Variants in RDH13 observed in about 807,000 individuals in gnomAD.
RDH13 encodes the protein retinol dehydrogenase 13, also known as retinol dehydrogenase 13 (all-trans and 9-cis).
In RDH13, 35 loss-of-function variants were observed where a neutral mutation model predicts 28.3. The ratio of observed to expected loss-of-function variants is 1.24; its 90% CI spans 0.95 to 1.64. The LOEUF is 1.64. Among genes scored for constraint, RDH13 ranks in the 40% most tolerant of loss-of-function variants. The pLI is 0.00. For missense variants in RDH13, 514 were observed against 446.3 expected (o/e 1.15, Z -1.37); for synonymous variants, 229 against 198.5 (o/e 1.15, Z -1.29).
chr19:55,062,859 A>C (rs1401590461), intron 1 of RDH13, 109 bp downstream of exon 1: 8 of 983,652 alleles, frequency 8.1e-6, no homozygotes, highest in Middle Eastern at 7.0e-4. Flanking sequence ...GCGGGTCGGG[A>C]GCTACGGGGC....
chr19:55,057,008 A>G (rs1395413339), intron 2 of RDH13, among the ~76,000 whole-genome samples, 200 bp from the exon 3 acceptor site: 1 of 152,188 alleles, frequency 6.6e-6, no homozygotes, highest in East Asian at 1.9e-4. Context: ...ATCCATAGAG[A>G]TGGAATATTA....
At chr19:55,057,687 C>G (rs955583979) in intron 2 of RDH13, among the ~76,000 whole-genome samples, 2 of 152,050 alleles carry the variant, frequency 1.3e-5, no homozygotes, top group African/African-American at 4.8e-5. Flanking sequence ...ATCCACCCCG[C>G]GGCCTCCCAA....
upstream of RDH13, among the ~76,000 whole-genome samples, chr19:55,066,693 CCTT>C (rs1305279981): frequency 4.0e-4 from 61 of 150,970 alleles, 3 homozygotes; most frequent in East Asian, 6.8e-3. Context: ...TCCTCTCTCT[CCTT>C]CTTTCTTCCT....
rs746858751 is a variant in RDH13 at position 55,056,624 on chromosome 19, C to A, written c.340+29G>T. ...GCCCTGGGAGCCGCCTATCCCAGTCCTCATCCCACATGGCCAGCGTTCTCC... is the reference window on the plus strand; with the variant it reads ...GCCCTGGGAGCCGCCTATCCCAGTCATCATCCCACATGGCCAGCGTTCTCC... On this transcript the variant is annotated intron_variant, in intron 3 of 6. Transcript: ENST00000415061. The A allele has an allele frequency of 3.7e-6, 6 of 1,612,424 alleles. No homozygotes were observed. The Admixed American group carries it at 5.0e-5, about 13-fold the overall frequency.
intron 3 of RDH13, among the ~76,000 whole-genome samples, chr19:55,054,600 G>A (rs1004174521): frequency 1.8e-4 from 28 of 152,090 alleles, no homozygotes; most frequent in Middle Eastern, 6.8e-3. Flanking sequence ...AAAAGGTCTT[G>A]CTCTGTCATC....
chr19:55,067,647 G>A (rs2075983994), upstream of RDH13: 1 of 152,266 alleles, frequency 6.6e-6, no homozygotes, highest in Admixed American at 6.5e-5. Context: ...TTGAGCCAAG[G>A]AGGGTCATGT....
At chr19:55,065,999 G>T (rs1171476588), upstream of RDH13, among the ~76,000 whole-genome samples, 1 of 152,192 alleles carries the variant, frequency 6.6e-6, no homozygotes, top group Non-Finnish European at 1.5e-5. Context: ...ATTACAAAGC[G>T]TGAGCCACTG....
intron 1 of RDH13, among the ~76,000 whole-genome samples, chr19:55,061,166 C>T (rs1042156784): frequency 2.6e-5 from 4 of 152,096 alleles, no homozygotes; most frequent in Non-Finnish European, 5.9e-5. Context: ...CTCGCTCTGT[C>T]GCCCAGGCTG....
chr19:55,060,677 G>A (rs1002680163), intron 1 of RDH13, among the ~76,000 whole-genome samples: 2 of 152,114 alleles, frequency 1.3e-5, no homozygotes, highest in Non-Finnish European at 2.9e-5. Context: ...TGGAGGGGCA[G>A]GCCACCCCTT....
intron 6 of RDH13, among the ~76,000 whole-genome samples, chr19:55,045,721 G>A (rs768030538): frequency 1.3e-5 from 2 of 152,000 alleles, no homozygotes; most frequent in Admixed American, 6.6e-5. Flanking sequence ...CGAGGCGGGC[G>A]GATTACCTGG....
intron 2 of RDH13, among the ~76,000 whole-genome samples, chr19:55,058,284 T>A (rs544690364): frequency 6.0e-5 from 9 of 151,112 alleles, no homozygotes; most frequent in African/African-American, 2.2e-4. Context: ...GCTACTCGGG[T>A]GGCTGAGGCA....
intron 3 of RDH13, among the ~76,000 whole-genome samples, chr19:55,055,238 C>T (rs576215660): frequency 1.1e-3 from 172 of 152,120 alleles, no homozygotes; most frequent in African/African-American, 4.1e-3. Flanking sequence ...CTGCAACCTC[C>T]GCCTCCTGGG....
intron 5 of RDH13, 116 bp downstream of exon 5, chr19:55,048,212 CT>C: frequency 6.5e-7 from 1 of 1,549,954 alleles, no homozygotes; most frequent in Non-Finnish European, 8.7e-7. Context: ...ACATGCTCTA[CT>C]TTTGCTGACT....
intron 1 of RDH13, among the ~76,000 whole-genome samples, chr19:55,060,345 T>A (rs1323121958): frequency 6.6e-6 from 1 of 152,148 alleles, no homozygotes. Flanking sequence ...GCTGAGATGT[T>A]TGGGTGGAGA....
chr19:55,046,193 G>A (rs1316315319), intron 6 of RDH13, among the ~76,000 whole-genome samples: 2 of 149,598 alleles, frequency 1.3e-5, no homozygotes, highest in Non-Finnish European at 1.5e-5. Context: ...GTTGGAGTGA[G>A]CCAAGATTGT....
intron 3 of RDH13, among the ~76,000 whole-genome samples, chr19:55,050,514 C>T (rs2075394175): frequency 6.6e-6 from 1 of 152,110 alleles, no homozygotes; most frequent in Non-Finnish European, 1.5e-5. Context: ...GCCTCAACCT[C>T]CCAGGCTCAA....
chr19:55,058,909 G>A (rs1179406711), intron 2 of RDH13, among the ~76,000 whole-genome samples: 1 of 152,192 alleles, frequency 6.6e-6, no homozygotes, highest in Admixed American at 6.5e-5. Flanking sequence ...TCGAACTCCT[G>A]ACCTCGTGAT....
intron 4 of RDH13, 32 bp from the exon 5 acceptor site, chr19:55,048,573 G>A (rs1568692267): frequency 6.2e-7 from 1 of 1,611,378 alleles, no homozygotes; most frequent in Non-Finnish European, 8.5e-7. Context: ...GGTCACTTTT[G>A]ACTCACACCT....
chr19:55,063,173 A>G (rs1052945413), upstream of RDH13: 6 of 711,844 alleles, frequency 8.4e-6, no homozygotes, highest in Non-Finnish European at 1.0e-5. Context: ...CCGCGTCCGG[A>G]ACTGGGCTGC....
Sources: gnomAD v4.1 joint callset for allele counts (sites outside exome capture counted in the v4.1 genomes callset) on GRCh38, gnomAD v4.1.1 for gene constraint, MANE v1.5 for transcripts, NCBI Gene and HGNC (gene_info 2026-07-23, HGNC 2026-07-21) for gene names.